Variants in ARHGAP23 observed in about 807,000 individuals in gnomAD.
The protein encoded by ARHGAP23 is rho GTPase-activating protein 23.
Under a neutral mutation model 136.3 loss-of-function variants are expected in ARHGAP23, and 34 were observed. The ratio of observed to expected loss-of-function variants is 0.25; its 90% CI spans 0.19 to 0.33. ARHGAP23 has a LOEUF of 0.33. Ranked by LOEUF, ARHGAP23 falls within the 10% of genes least tolerant of loss-of-function variation. ARHGAP23 has a pLI of 1.00. For synonymous variants in ARHGAP23, 832 were observed against 920.5 expected (o/e 0.90, Z 1.74); for missense variants, 1,808 against 2,139.0 (o/e 0.85, Z 3.05).
Position 38,476,720 on chromosome 17 carries a change from G to A in ARHGAP23, c.2119-859G>A, listed in dbSNP as rs775970719. On this transcript the variant is annotated intron_variant, in intron 11 of 23. Transcript: ENST00000622683. ...TGGAGCTCCGCCTCCTTTAGGGCGG[G>A]GTCTCTTACCCTCAGCTCTGCTGAC... Among the ~76,000 whole-genome samples the A allele has an allele frequency of 7.7e-4, 117 of 152,168 alleles. 1 individual carries two copies. Among genetic ancestry groups the A allele is most frequent in the Non-Finnish European group, 1.2e-3 (84 of 68,034 alleles).
intron 6 of ARHGAP23, among the ~76,000 whole-genome samples, chr17:38,465,549 C>T (rs559011383): frequency 5.9e-5 from 9 of 152,352 alleles, no homozygotes; most frequent in Admixed American, 3.9e-4. Flanking sequence ...AGCAATGCAG[C>T]GTCAGCCTCA....
At chr17:38,494,692 AGGACCCACCCCGGCCCTGGGT>A (rs1339677908) in intron 20 of ARHGAP23, among the ~76,000 whole-genome samples, 1 of 152,248 alleles carries the variant, frequency 6.6e-6, no homozygotes, top group Non-Finnish European at 1.5e-5. Context: ...GCCCCACAGA[AGGACCCACCCCGGCCCTGGGT>A]GCAGGGCTGG....
Position 38,467,351 on chromosome 17 carries a change from G to T in ARHGAP23, c.1648+20G>T. The T allele has an allele frequency of 6.8e-7, 1 of 1,460,310 alleles. No homozygotes were observed. Among genetic ancestry groups the T allele is most frequent in the East Asian group, 2.5e-5 (1 of 40,112 alleles). The allele number at this position is 1,460,310 out of a possible 1,614,324, so 90.5% of individuals were successfully genotyped here. ...TTATTGGTGAGTGATGGTACATGTG[G>T]CTGTCCTGGGGGACTTAGCTGTCGG... On this transcript the variant is annotated intron_variant, in intron 7 of 23. Transcript: ENST00000622683.
In ARHGAP23 at chr17:38,477,916, G is replaced by A. The variant is rs1156988716; in HGVS notation, c.2436+20G>A. 1.0e-5 allele frequency: 16 copies of A among 1,547,266 alleles called. No homozygotes were observed. The highest frequency in any genetic ancestry group is 2.7e-5 in the African/African-American group (2 of 72,912). On this transcript the variant is annotated intron_variant, in intron 12 of 23. Transcript: ENST00000622683. The surrounding 1 kb of genome is among the most constrained non-coding windows in gnomAD (Gnocchi z 6.6). ...GGCGAGGTGAGGGCCCGGCCAGCCC[G>A]GCAGCCACAGAGGGCGGGCGGGGTG...
chr17:38,479,934 G>A (rs2039994732), intron 14 of ARHGAP23, 51 bp downstream of exon 14: 1 of 1,472,138 alleles, frequency 6.8e-7, no homozygotes. Context: ...AGGGGGCATG[G>A]GGAGGGGAGG....
chr17:38,449,669 G>T (rs1483399201), intron 1 of ARHGAP23, among the ~76,000 whole-genome samples: 1 of 152,202 alleles, frequency 6.6e-6, no homozygotes, highest in Non-Finnish European at 1.5e-5. Flanking sequence ...GGTGGGATTT[G>T]CCCTGTCTGT....
intron 1 of ARHGAP23, among the ~76,000 whole-genome samples, chr17:38,445,303 TAAA>T (rs61636599): frequency 0.024 from 2,715 of 111,546 alleles, 105 homozygotes; most frequent in African/African-American, 0.081. Context: ...TGTCTCTACT[TAAA>T]AAAAAAAAAA....
At chr17:38,492,675 C>T (rs2042324441) in intron 20 of ARHGAP23, among the ~76,000 whole-genome samples, 1 of 152,196 alleles carries the variant, frequency 6.6e-6, no homozygotes, top group Admixed American at 6.5e-5. Flanking sequence ...AACAGCCTTG[C>T]TTGCCCATCT....
At chr17:38,428,965 G>A (rs1217256180) in intron 1 of ARHGAP23, among the ~76,000 whole-genome samples, 2 of 152,170 alleles carry the variant, frequency 1.3e-5, no homozygotes, top group African/African-American at 4.8e-5. Context: ...CACAGCTGGA[G>A]GGAGAGGGGG....
intron 22 of ARHGAP23, among the ~76,000 whole-genome samples, chr17:38,499,155 T>G (rs1323706635): frequency 6.6e-6 from 1 of 152,122 alleles, no homozygotes; most frequent in Non-Finnish European, 1.5e-5. Flanking sequence ...AAGGAGGCAC[T>G]CACTGGGCCC....
chr17:38,460,332 G>C (rs796596848), intron 2 of ARHGAP23, among the ~76,000 whole-genome samples: 8 of 152,316 alleles, frequency 5.3e-5, no homozygotes, highest in African/African-American at 1.9e-4. Flanking sequence ...TTTAGCCTGA[G>C]TATTGTCACT....
intron 1 of ARHGAP23, among the ~76,000 whole-genome samples, chr17:38,449,701 A>C (rs920673201): frequency 2.0e-5 from 3 of 152,154 alleles, no homozygotes; most frequent in Non-Finnish European, 4.4e-5. Flanking sequence ...TGGAGTGGTC[A>C]TGGGTCTGCG....
chr17:38,446,526 A>G (rs563263670), intron 1 of ARHGAP23, among the ~76,000 whole-genome samples: 1 of 151,682 alleles, frequency 6.6e-6, no homozygotes, highest in Non-Finnish European at 1.5e-5. Flanking sequence ...GTGTACAAAC[A>G]TTTCTTCTAA....
chr17:38,460,584 C>G (rs935140206), intron 2 of ARHGAP23, among the ~76,000 whole-genome samples: 4 of 152,122 alleles, frequency 2.6e-5, no homozygotes, highest in African/African-American at 7.2e-5. Context: ...TGACTGCCCG[C>G]GTCTTCTGTG....
At position 38,510,453 on chromosome 17, in the gene ARHGAP23, G is replaced by GCGC; in HGVS notation, c.3965_3967dup (p.Arg1322dup). The GCGC allele has an allele frequency of 8.3e-7, 1 of 1,211,906 alleles. No homozygotes were observed. Among genetic ancestry groups the GCGC allele is most frequent in the Non-Finnish European group, 1.0e-6 (1 of 975,840 alleles). 75.1% of individuals were successfully genotyped at this position (1,211,906 alleles called of 1,614,324 possible). A position where few individuals can be genotyped will look rare whatever the true frequency, so the allele number is the denominator to read the frequency against. ...ACCTCATGCCCTGCGACACTCTGGC[G>GCGC]CGCCGCCGCCTGGCCCGGGGCCGCC... On this transcript the variant is annotated inframe_insertion, in exon 24 of 24. Coordinates refer to ENST00000622683, the MANE Select transcript of ARHGAP23 (RefSeq NM_001199417.2). This position sits in a 1 kb window ranked among gnomAD's most constrained non-coding sequence, Gnocchi z 4.6.
chr17:38,438,125 G>A (rs531584361), intron 1 of ARHGAP23, among the ~76,000 whole-genome samples: 127 of 152,172 alleles, frequency 8.3e-4, no homozygotes, highest in East Asian at 2.1e-3. Flanking sequence ...GATCGAGACC[G>A]TCCTGGCCAA....
In ARHGAP23 at chr17:38,466,674, T is replaced by G; in HGVS notation, c.991T>G (p.Cys331Gly). The G allele has an allele frequency of 7.9e-6, 12 of 1,517,088 alleles. No individual in the cohort carries two copies. The highest frequency in any genetic ancestry group is 1.1e-5 in the Non-Finnish European group (12 of 1,133,982). 94.0% of individuals were successfully genotyped at this position (1,517,088 alleles called of 1,614,324 possible). ...EEVAAPRPWP[C>G]STSQDALSQL... ...GGTGGCTGCCCCCCGCCCGTGGCCC[T>G]GCTCCACCTCCCAGGATGCTTTGAG... is the stretch of plus-strand genomic sequence containing the variant. Residue 331 changes from cysteine to glycine, a missense_variant, in exon 7 of 24, where the codon TGC (cysteine) becomes GGC (glycine). Transcript: ENST00000622683.
intron 1 of ARHGAP23, among the ~76,000 whole-genome samples, chr17:38,440,553 G>T (rs1382689144): frequency 6.6e-6 from 1 of 152,252 alleles, no homozygotes; most frequent in Non-Finnish European, 1.5e-5. Context: ...CTTGACCAAG[G>T]TCATGCAGTT....
chr17:38,469,655 C>T lies in ARHGAP23; in HGVS notation c.1916+20C>T, dbSNP rs1269154817. 4 of 1,546,254 alleles carry T rather than the reference C, an allele frequency of 2.6e-6. No homozygotes were observed. Among genetic ancestry groups the T allele is most frequent in the Admixed American group, 3.9e-5 (2 of 50,772 alleles). ...TCTGCGGTGAGGCCCTGTCCGGACA[C>T]GGGGTGGGGTGGCCACAGCCACCGT... On this transcript the variant is annotated intron_variant, in intron 9 of 23. Transcript: ENST00000622683.
Sources: gnomAD v4.1 joint callset for allele counts (sites outside exome capture counted in the v4.1 genomes callset) on GRCh38, gnomAD v4.1.1 for gene constraint, Gnocchi (gnomAD v3.1) non-coding constraint, MANE v1.5 for transcripts, NCBI Gene and HGNC (gene_info 2026-07-23, HGNC 2026-07-21) for gene names.